KIF13A: variants seen among roughly 807,000 people sequenced by gnomAD.
KIF13A encodes kinesin family member 13A, also known as kinesin-like protein KIF13A.
A neutral mutation model predicts 212.2 loss-of-function variants in KIF13A; 79 were observed. The observed-to-expected ratio is 0.37, with a 90% CI of 0.31 to 0.45. KIF13A has a LOEUF of 0.45. Ranked by LOEUF, KIF13A falls within the 20% of genes least tolerant of loss-of-function variation. KIF13A has a pLI of 1.00. For synonymous variants in KIF13A, 789 were observed against 808.6 expected (o/e 0.98, Z 0.41); for missense variants, 1,901 against 2,209.0 (o/e 0.86, Z 2.79).
intron 2 of KIF13A, among the ~76,000 whole-genome samples, chr6:17,979,989 G>A (rs1309728253): frequency 6.6e-6 from 1 of 151,418 alleles, no homozygotes; most frequent in African/African-American, 2.4e-5. Flanking sequence ...AGGTGTTCCA[G>A]AAAAAAACAG....
At chr6:17,832,227 T>A (rs1009627930) in intron 12 of KIF13A, among the ~76,000 whole-genome samples, 1 of 152,182 alleles carries the variant, frequency 6.6e-6, no homozygotes, top group Non-Finnish European at 1.5e-5. Flanking sequence ...TGTAGAGAAA[T>A]TCATAATGCA....
chr6:17,831,898 C>T (rs978359084), intron 12 of KIF13A, among the ~76,000 whole-genome samples: 10 of 149,958 alleles, frequency 6.7e-5, no homozygotes, highest in South Asian at 4.2e-4. Flanking sequence ...GCTGGGAATA[C>T]AGCACTGAAC....
At chr6:17,964,024 G>A (rs1001810956) in intron 2 of KIF13A, among the ~76,000 whole-genome samples, 2 of 152,186 alleles carry the variant, frequency 1.3e-5, no homozygotes, top group Non-Finnish European at 2.9e-5. Context: ...GTCTCAGGCA[G>A]GAGGATAGCT....
intron 29 of KIF13A, among the ~76,000 whole-genome samples, chr6:17,781,532 C>T (rs2150308098): frequency 6.6e-6 from 1 of 151,558 alleles, no homozygotes; most frequent in Middle Eastern, 3.4e-3. Flanking sequence ...ACTATGTTGT[C>T]CAGTCTGGTC....
At position 17,918,308 on chromosome 6, in the gene KIF13A, T is replaced by A. The variant is rs1325528075; in HGVS notation, c.147-20128A>T. 6.6e-6 allele frequency among the ~76,000 whole-genome samples: 1 copy of A among 152,172 alleles called. No individual in the cohort carries two copies. The highest frequency in any genetic ancestry group is 1.9e-4 in the East Asian group (1 of 5,190). On this transcript the variant is annotated intron_variant, in intron 2 of 38. Transcript: ENST00000259711. This position sits in a 1 kb window ranked among gnomAD's most constrained non-coding sequence, Gnocchi z 4.8. ...AATAAATACATACATGCATAAAAAA[T>A]AGTCTCAGAACTGTAGACCAAAAGA...
chr6:17,951,436 TTAAA>T lies in KIF13A; in HGVS notation c.146+35614_146+35617del. On this transcript the variant is annotated intron_variant, in intron 2 of 38. Coordinates refer to ENST00000259711, the MANE Select transcript of KIF13A (RefSeq NM_022113.6). This position sits in a 1 kb window ranked among gnomAD's most constrained non-coding sequence, Gnocchi z 4.9. ...GTGAGCCACTGTGACCAGCCTCAAT[TTAAA>T]AAAAAAAAAAAAACAGCTTTAAGAT... 1.9e-6 allele frequency: 1 copy of T among 537,820 alleles called. No homozygotes were observed. 33.3% of individuals were successfully genotyped at this position (537,820 alleles called of 1,614,324 possible). A position where few individuals can be genotyped will look rare whatever the true frequency, so the allele number is the denominator to read the frequency against.
At chr6:17,980,759 C>G (rs1389542613) in intron 2 of KIF13A, among the ~76,000 whole-genome samples, 2 of 152,084 alleles carry the variant, frequency 1.3e-5, no homozygotes, top group Non-Finnish European at 2.9e-5. Context: ...ATTCATAGCT[C>G]AATGTCAACA....
downstream of KIF13A, among the ~76,000 whole-genome samples, chr6:17,762,829 G>A (rs1758648226): frequency 6.6e-6 from 1 of 152,186 alleles, no homozygotes; most frequent in African/African-American, 2.4e-5. Context: ...GGTTTTGGCA[G>A]TTCAGTAATG....
rs141078948 is a variant in KIF13A at position 17,768,340 on chromosome 6, T to A, written c.4581+2774A>T. Among the ~76,000 whole-genome samples, 84 of 152,370 alleles carry A rather than the reference T, an allele frequency of 5.5e-4. No individual in the cohort carries two copies. The highest frequency in any genetic ancestry group is 1.9e-3 in the African/African-American group (77 of 41,592). ...ATCTGAGTTTTGCAAATTTAACTTA[T>A]GCAGCTGATATTTACCTATACAGAA... On this transcript the variant is annotated intron_variant, in intron 38 of 38. Coordinates refer to ENST00000259711, the MANE Select transcript of KIF13A (RefSeq NM_022113.6). This position sits in a 1 kb window ranked among gnomAD's most constrained non-coding sequence, Gnocchi z 5.4.
rs1264427318 is a variant in KIF13A, at chr6:17,796,682, T to C, written c.2929A>G (p.Thr977Ala). 1 of 1,564,474 alleles carries C rather than the reference T, an allele frequency of 6.4e-7. No homozygotes were observed. The highest frequency in any genetic ancestry group is 1.2e-5 in the South Asian group (1 of 84,280). ...EVDSLHAKTR[T>A]LHDRWNEVTR... is the part of the protein sequence containing the mutation. ...CCAAGTACAAACCTGTCATGCAGTG[T>C]TCTTGTCTTAGCATGAAGAGAATCG... Residue 977 changes from threonine to alanine, a missense_variant, in exon 23 of 39, where the codon ACA (threonine) becomes GCA (alanine). Coordinates refer to ENST00000259711, the MANE Select transcript of KIF13A (RefSeq NM_022113.6).
At chr6:17,874,762 C>T (rs571024055) in intron 3 of KIF13A, among the ~76,000 whole-genome samples, 2 of 151,764 alleles carry the variant, frequency 1.3e-5, no homozygotes, top group Non-Finnish European at 2.9e-5. Flanking sequence ...TTATCCCTCG[C>T]CCCTCTCCCA....
rs897886177 is a variant in KIF13A, at chr6:17,987,221, G to C, written c.56-77C>G. The C allele has an allele frequency of 3.9e-6, 5 of 1,291,924 alleles. No individual in the cohort carries two copies. Among genetic ancestry groups the C allele is most frequent in the Admixed American group, 4.0e-5 (2 of 49,670 alleles). 80.0% of individuals were successfully genotyped at this position (1,291,924 alleles called of 1,614,324 possible). A position where few individuals can be genotyped will look rare whatever the true frequency, so the allele number is the denominator to read the frequency against. ...CCCGCCCGCCCGCCAGCCGCGCCGA[G>C]CGGGGCTCCGTCCCTGGAGGCGGCC... On this transcript the variant is annotated intron_variant, in intron 1 of 38. Transcript: ENST00000259711. This position sits in a 1 kb window ranked among gnomAD's most constrained non-coding sequence, Gnocchi z 7.7.
intron 20 of KIF13A, among the ~76,000 whole-genome samples, chr6:17,802,783 T>C (rs960838360): frequency 1.3e-5 from 2 of 151,900 alleles, no homozygotes; most frequent in Non-Finnish European, 2.9e-5. Context: ...TGCTCTGTTG[T>C]CCAGGCTGGG....
chr6:17,771,114 A>G lies in KIF13A; in HGVS notation c.4581T>C (p.Ile1527=). ...VEHNSKREKK[I]DSEEEENELE... ...TGACAGAAATGGTTCCGGAACTTAC[A>G]ATCTTCTTCTCACGTTTGCTATTGT... Residue 1527 remains isoleucine, a splice_region_variant and synonymous_variant, in exon 38 of 39, where the codon ATT becomes ATC. Coordinates refer to ENST00000259711, the MANE Select transcript of KIF13A (RefSeq NM_022113.6). This position sits in a 1 kb window ranked among gnomAD's most constrained non-coding sequence, Gnocchi z 5.4. The G allele has an allele frequency of 6.2e-7, 1 of 1,604,242 alleles. No homozygotes were observed. Among genetic ancestry groups the G allele is most frequent in the South Asian group, 1.1e-5 (1 of 90,282 alleles).
intron 9 of KIF13A, among the ~76,000 whole-genome samples, chr6:17,848,223 T>C (rs942181653): frequency 7.2e-5 from 11 of 152,188 alleles, no homozygotes; most frequent in African/African-American, 1.4e-4. Flanking sequence ...AGCATATCCA[T>C]CACCTCAAAC....
Position 17,849,284 on chromosome 6 carries a change from C to T in KIF13A, c.830+93G>A. 2 of 815,096 alleles carry T rather than the reference C, an allele frequency of 2.5e-6. No homozygotes were observed. The highest frequency in any genetic ancestry group is 3.9e-6 in the Non-Finnish European group (2 of 507,470). The allele number at this position is 815,096 out of a possible 1,614,324, so 50.5% of individuals were successfully genotyped here. ...TTACTAAAGCTATACAGACTTTAAA[C>T]AACCTGTACATCAGAACCATCTGAC... On this transcript the variant is annotated intron_variant, in intron 9 of 38. Coordinates refer to ENST00000259711, the MANE Select transcript of KIF13A (RefSeq NM_022113.6). This position sits in a 1 kb window ranked among gnomAD's most constrained non-coding sequence, Gnocchi z 5.7.
intron 2 of KIF13A, among the ~76,000 whole-genome samples, chr6:17,905,518 ATAAAT>A (rs973370828): frequency 2.6e-5 from 4 of 152,256 alleles, no homozygotes; most frequent in Non-Finnish European, 5.9e-5. Context: ...GGATACAAAA[ATAAAT>A]TAGTCTTTTT....
chr6:17,816,888 T>C lies in KIF13A; in HGVS notation c.2000+132A>G. The stretch of plus-strand genomic sequence containing the variant: ...AATATTTGTGAAAGGAAAAGCTAAT[T>C]GGCAATATCACGTATGGGATTAAGA... On this transcript the variant is annotated intron_variant, in intron 17 of 38. Coordinates refer to ENST00000259711, the MANE Select transcript of KIF13A (RefSeq NM_022113.6). This position sits in a 1 kb window ranked among gnomAD's most constrained non-coding sequence, Gnocchi z 4.3. The C allele has an allele frequency of 3.0e-6, 2 of 665,120 alleles. 1 individual carries two copies. Among genetic ancestry groups the C allele is most frequent in the South Asian group, 3.9e-5 (2 of 51,656 alleles). The allele number at this position is 665,120 out of a possible 1,614,324, so 41.2% of individuals were successfully genotyped here.
intron 3 of KIF13A, among the ~76,000 whole-genome samples, chr6:17,893,046 T>C (rs905096421): frequency 6.6e-6 from 1 of 152,208 alleles, no homozygotes; most frequent in Non-Finnish European, 1.5e-5. Context: ...ACTGAGCCCC[T>C]AACCTGTAGG....
Sources: allele counts gnomAD v4.1 joint callset (sites outside exome capture counted in the v4.1 genomes callset), GRCh38; gene constraint gnomAD v4.1.1; non-coding constraint Gnocchi (gnomAD v3.1); transcripts MANE v1.5; gene names NCBI Gene and HGNC (gene_info 2026-07-23, HGNC 2026-07-21).